The following PTPN4 variants were observed in gnomAD, a reference collection of about 807,000 sequenced individuals.
The protein encoded by PTPN4 is protein tyrosine phosphatase non-receptor type 4.
In PTPN4, 49 loss-of-function variants were observed where a neutral mutation model predicts 135.5. That is an observed-to-expected ratio of 0.36 (90% CI 0.29 to 0.46). The LOEUF (loss-of-function observed/expected upper bound fraction) is 0.46. Ranked by LOEUF, PTPN4 falls within the 20% of genes least tolerant of loss-of-function variation. The probability of loss-of-function intolerance (pLI) is 1.00; values close to 1 mark genes in which losing one functional copy is unlikely to be tolerated. For missense variants in PTPN4, 860 were observed against 1,101.0 expected (o/e 0.78, Z 3.10); for synonymous variants, 333 against 369.9 (o/e 0.90, Z 1.14).
At chr2:119,862,220 T>G (rs900391032) in intron 2 of PTPN4, among the ~76,000 whole-genome samples, 2 of 152,226 alleles carry the variant, frequency 1.3e-5, no homozygotes, top group Non-Finnish European at 2.9e-5. Flanking sequence ...CCAGTTTGCC[T>G]AAGGTCAGGT....
chr2:119,891,448 C>T (rs1678239597), intron 9 of PTPN4, among the ~76,000 whole-genome samples: 1 of 151,934 alleles, frequency 6.6e-6, no homozygotes, highest in Non-Finnish European at 1.5e-5. Flanking sequence ...TCAGCCTCCC[C>T]AGTAGCTGGG....
chr2:119,789,327 T>G (rs1157716000), intron 1 of PTPN4, among the ~76,000 whole-genome samples: 3 of 152,208 alleles, frequency 2.0e-5, no homozygotes, highest in Non-Finnish European at 2.9e-5. Flanking sequence ...AGACATTAGG[T>G]TCATCTGATA....
Position 119,952,063 on chromosome 2 carries a change from G to T in PTPN4, c.1747G>T (p.Val583Leu), listed in dbSNP as rs1016751222. The T allele has an allele frequency of 1.9e-5, 30 of 1,613,362 alleles. No individual in the cohort carries two copies. Among genetic ancestry groups the T allele is most frequent in the Non-Finnish European group, 2.5e-5 (29 of 1,179,486 alleles). Residue 583 changes from valine to leucine, a missense_variant, in exon 19 of 27, where the codon GTG becomes TTG. Val to Leu is a conservative substitution (Grantham distance 32). Transcript: ENST00000263708. Reference protein sequence around the residue: ...DIAEHTHDQVVLFIKASCERH... With the variant: ...DIAEHTHDQVLLFIKASCERH... ...TGCAGAACACACTCATGATCAGGTT[G>T]TGCTGTTTATTAAAGCTAGTTGTGA...
At chr2:119,965,332 G>A (rs1489225120) in intron 24 of PTPN4, among the ~76,000 whole-genome samples, 165 bp from the exon 25 acceptor site, 1 of 152,170 alleles carries the variant, frequency 6.6e-6, no homozygotes, top group Non-Finnish European at 1.5e-5. Context: ...CTATGAGGAC[G>A]CGGGTCAGAG....
chr2:119,969,994 AT>A (rs1171164011), intron 26 of PTPN4, among the ~76,000 whole-genome samples: 2 of 152,152 alleles, frequency 1.3e-5, no homozygotes, highest in Non-Finnish European at 2.9e-5. Context: ...AAAGTATACA[AT>A]TCAGTGGGTT....
At chr2:119,965,812 A>G (rs545566606) in intron 25 of PTPN4, among the ~76,000 whole-genome samples, 167 bp downstream of exon 25, 2 of 152,342 alleles carry the variant, frequency 1.3e-5, no homozygotes, top group East Asian at 1.9e-4. Flanking sequence ...TATGATTGGC[A>G]GTAACTTTAT....
intron 1 of PTPN4, among the ~76,000 whole-genome samples, chr2:119,766,313 C>A (rs1237874841): frequency 6.6e-6 from 1 of 152,210 alleles, no homozygotes; most frequent in Non-Finnish European, 1.5e-5. Flanking sequence ...ACTATGGAAT[C>A]AGAAATAAAT....
chr2:119,774,932 G>A (rs772942897), intron 1 of PTPN4, among the ~76,000 whole-genome samples: 7 of 151,704 alleles, frequency 4.6e-5, no homozygotes, highest in Non-Finnish European at 1.0e-4. Flanking sequence ...GGCAGGAGTC[G>A]CATGAACCTG....
chr2:119,948,977 T>A (rs1197743810), intron 18 of PTPN4, among the ~76,000 whole-genome samples: 1 of 152,072 alleles, frequency 6.6e-6, no homozygotes. Flanking sequence ...TACACATTTC[T>A]TTATTTACAT....
intron 2 of PTPN4, among the ~76,000 whole-genome samples, chr2:119,841,502 T>C (rs1399866083): frequency 3.3e-5 from 5 of 152,234 alleles, no homozygotes; most frequent in Non-Finnish European, 7.4e-5. Flanking sequence ...ATTGCAGATA[T>C]TCCATTGAAT....
chr2:119,893,904 G>GA (rs972457153), intron 9 of PTPN4, among the ~76,000 whole-genome samples: 102 of 144,154 alleles, frequency 7.1e-4, no homozygotes, highest in Middle Eastern at 3.5e-3. Context: ...GAGAGAATAT[G>GA]AAAAAAAAAA....
chr2:119,939,836 T>G (rs1326140411), intron 15 of PTPN4, among the ~76,000 whole-genome samples: 1 of 152,122 alleles, frequency 6.6e-6, no homozygotes, highest in African/African-American at 2.4e-5. Flanking sequence ...AGCAATATAT[T>G]GTGAACTCTT....
rs369133147 is a variant in PTPN4 at position 119,976,662 on chromosome 2, TAG to T, written c.2695-320_2695-319del. 4.4e-3 allele frequency among the ~76,000 whole-genome samples: 677 copies of T among 152,290 alleles called. 7 individuals are homozygous for T. Among genetic ancestry groups the T allele is most frequent in the African/African-American group, 0.015 (643 of 41,548 alleles). On this transcript the variant is annotated intron_variant, in intron 26 of 26. Coordinates refer to ENST00000263708, the MANE Select transcript of PTPN4 (RefSeq NM_002830.4). ...TTCTTTTTCTGGTTTATTTTTTGGA[TAG>T]ATTCTTAGAAGTGGGATTGCTGGGT...
chr2:119,922,584 A>G lies in PTPN4; in HGVS notation c.1001+2343A>G, dbSNP rs567219421. 7.9e-5 allele frequency among the ~76,000 whole-genome samples: 12 copies of G among 152,206 alleles called. No individual in the cohort carries two copies. In the South Asian group the frequency reaches 2.1e-3, roughly 26 times the overall value. The stretch of plus-strand genomic sequence containing the variant: ...TATATTGTTTGATTCACTTTGCTAA[A>G]TTTTGTTTAGGATTTTTGCATATGT... On this transcript the variant is annotated intron_variant, in intron 12 of 26. Coordinates refer to ENST00000263708, the MANE Select transcript of PTPN4 (RefSeq NM_002830.4).
At chr2:119,886,702 A>G (rs376840594) in intron 9 of PTPN4, among the ~76,000 whole-genome samples, 1 of 152,242 alleles carries the variant, frequency 6.6e-6, no homozygotes, top group African/African-American at 2.4e-5. Flanking sequence ...ATTTTCAATC[A>G]TGTTAATACT....
At chr2:119,812,237 G>T (rs940153523) in intron 2 of PTPN4, among the ~76,000 whole-genome samples, 1 of 152,114 alleles carries the variant, frequency 6.6e-6, no homozygotes, top group African/African-American at 2.4e-5. Context: ...CTAATTGGGG[G>T]TTTGAAAGTT....
intron 2 of PTPN4, among the ~76,000 whole-genome samples, chr2:119,834,302 A>G (rs2104965271): frequency 6.6e-6 from 1 of 152,160 alleles, no homozygotes. Context: ...TCTCCCCAAA[A>G]TTCACACACC....
Position 119,767,424 on chromosome 2 carries a change from G to A in PTPN4, c.-18+7040G>A, listed in dbSNP as rs541619181. ...TTTTAGTGTGTATTTAGCAAAACAG[G>A]ACAATCTCCTACATAACCGCCAAAT... is the stretch of plus-strand genomic sequence containing the variant. On this transcript the variant is annotated intron_variant, in intron 1 of 26. Transcript: ENST00000263708. Among the ~76,000 whole-genome samples, 3 of 152,230 alleles carry A rather than the reference G, an allele frequency of 2.0e-5. No homozygotes were observed. The East Asian group carries it at 5.8e-4, about 29-fold the overall frequency.
At chr2:119,898,762 T>C (rs1255055323) in intron 9 of PTPN4, among the ~76,000 whole-genome samples, 1 of 152,226 alleles carries the variant, frequency 6.6e-6, no homozygotes, top group South Asian at 2.1e-4. Context: ...ATACTTGTTC[T>C]CTCGTTTTAT....
Sources: allele counts gnomAD v4.1 joint callset (sites outside exome capture counted in the v4.1 genomes callset), GRCh38; gene constraint gnomAD v4.1.1; transcripts MANE v1.5; gene names NCBI Gene and HGNC (gene_info 2026-07-23, HGNC 2026-07-21).